The following DNAI4 variants were observed in gnomAD, a reference collection of about 807,000 sequenced individuals.
The protein encoded by DNAI4 is dynein axonemal intermediate chain 4.
DNAI4 carries 85 observed loss-of-function variants against 105.8 expected under a neutral mutation model. The observed-to-expected ratio is 0.80, with a 90% CI of 0.67 to 0.96. The LOEUF is 0.96. Ranked by LOEUF, DNAI4 falls within the 40% of genes least tolerant of loss-of-function variation. DNAI4 has a pLI of 0.00. For synonymous variants in DNAI4, 352 were observed against 331.5 expected (o/e 1.06, Z -0.67); for missense variants, 1,014 against 1,005.6 (o/e 1.01, Z -0.11).
At chr1:66,915,615 T>C (rs2100881024) in intron 1 of DNAI4, among the ~76,000 whole-genome samples, 1 of 152,280 alleles carries the variant, frequency 6.6e-6, no homozygotes, top group East Asian at 1.9e-4. Flanking sequence ...CCAAAAAGTT[T>C]ATATTGTAGA....
At chr1:66,859,750 C>G (rs891206010) in intron 7 of DNAI4, among the ~76,000 whole-genome samples, 1 of 151,778 alleles carries the variant, frequency 6.6e-6, no homozygotes, top group Non-Finnish European at 1.5e-5. Context: ...GTGGAAAAGA[C>G]GAAACTATAA....
At chr1:66,829,415 G>C (rs537166015) in intron 13 of DNAI4, among the ~76,000 whole-genome samples, 1 of 152,164 alleles carries the variant, frequency 6.6e-6, no homozygotes, top group East Asian at 1.9e-4. Context: ...AGCTGAAGTG[G>C]CTATACTAAT....
intron 1 of DNAI4, among the ~76,000 whole-genome samples, chr1:66,905,977 GC>G (rs2100835111): frequency 7.6e-6 from 1 of 131,354 alleles, no homozygotes; most frequent in African/African-American, 2.8e-5. Context: ...TGGCTGGAGT[GC>G]AGTGGCGTGA....
intron 16 of DNAI4, 71 bp from the exon 17 acceptor site, chr1:66,814,251 G>T: frequency 8.2e-7 from 1 of 1,224,478 alleles, no homozygotes; most frequent in Non-Finnish European, 1.2e-6. Context: ...TCTTTAAAAT[G>T]CCATTTAAAA....
intron 3 of DNAI4, among the ~76,000 whole-genome samples, 174 bp downstream of exon 3, chr1:66,893,055 G>GAAA (rs1226481232): frequency 1.5e-4 from 12 of 80,764 alleles, no homozygotes; most frequent in African/African-American, 5.9e-4. Context: ...AAGAAAGAAA[G>GAAA]AGAGAGAGAG....
chr1:66,921,823 T>C (rs1336266951), intron 1 of DNAI4, among the ~76,000 whole-genome samples: 2 of 152,022 alleles, frequency 1.3e-5, no homozygotes, highest in East Asian at 3.9e-4. Flanking sequence ...AAAACAAAAA[T>C]CTCTGCCTTT....
intron 8 of DNAI4, among the ~76,000 whole-genome samples, chr1:66,844,043 A>T (rs1646212216): frequency 6.7e-6 from 1 of 148,384 alleles, no homozygotes; most frequent in African/African-American, 2.5e-5. Context: ...CCAGAGTGGG[A>T]ACAACTCTTA....
chr1:66,904,180 A>C (rs1180088616), intron 2 of DNAI4, among the ~76,000 whole-genome samples: 1 of 152,156 alleles, frequency 6.6e-6, no homozygotes, highest in African/African-American at 2.4e-5. Context: ...GGTGCTATGA[A>C]CATTCATGTA....
intron 7 of DNAI4, among the ~76,000 whole-genome samples, chr1:66,857,186 G>C (rs1301788409): frequency 1.3e-5 from 2 of 151,854 alleles, no homozygotes; most frequent in African/African-American, 4.8e-5. Context: ...GTCCTTTGTA[G>C]GGACATGGAT....
chr1:66,884,128 T>C (rs1647140277), intron 4 of DNAI4, among the ~76,000 whole-genome samples: 1 of 152,218 alleles, frequency 6.6e-6, no homozygotes, highest in South Asian at 2.1e-4. Flanking sequence ...GTTCTCTAAT[T>C]CATTATATCC....
chr1:66,884,924 C>A (rs556887174), intron 4 of DNAI4, among the ~76,000 whole-genome samples: 7 of 152,266 alleles, frequency 4.6e-5, no homozygotes, highest in African/African-American at 1.7e-4. Flanking sequence ...ACAGTGGAAA[C>A]CTAAGTTATT....
At chr1:66,860,514 C>T (rs1049350935) in intron 7 of DNAI4, among the ~76,000 whole-genome samples, 6 of 151,818 alleles carry the variant, frequency 4.0e-5, no homozygotes, top group Non-Finnish European at 7.4e-5. Flanking sequence ...TATTTTTTAA[C>T]TTTCTTTTCC....
In DNAI4 at chr1:66,822,273, T is replaced by C. The variant is rs2100332449; in HGVS notation, c.2496+88A>G. On this transcript the variant is annotated intron_variant, in intron 16 of 16. Transcript: ENST00000371026. ...CTTTTATTATATTACACCTAAGATATTGAGAAATGTAAATCCTTTGCATGC... is the reference window on the plus strand; with the variant it reads ...CTTTTATTATATTACACCTAAGATACTGAGAAATGTAAATCCTTTGCATGC... 4.2e-6 allele frequency: 5 copies of C among 1,204,154 alleles called. No homozygotes were observed. In the South Asian group the frequency reaches 5.7e-5, roughly 14 times the overall value. 74.6% of individuals were successfully genotyped at this position (1,204,154 alleles called of 1,614,324 possible).
intron 2 of DNAI4, among the ~76,000 whole-genome samples, chr1:66,900,067 TA>T (rs1436609019): frequency 6.6e-6 from 1 of 152,140 alleles, no homozygotes. Flanking sequence ...AATTTTATTT[TA>T]TTTTATTTTT....
At chr1:66,921,072 C>A (rs1197034430) in intron 1 of DNAI4, among the ~76,000 whole-genome samples, 1 of 152,142 alleles carries the variant, frequency 6.6e-6, no homozygotes, top group Non-Finnish European at 1.5e-5. Context: ...TATTTTGTAA[C>A]TGTAAGACTA....
chr1:66,827,919 C>CA lies in DNAI4; in HGVS notation c.2014-10dup, dbSNP rs745959612. On this transcript the variant is annotated splice_polypyrimidine_tract_variant and intron_variant, in intron 13 of 16. Coordinates refer to ENST00000371026, the MANE Select transcript of DNAI4 (RefSeq NM_024763.5). ...AAATAGATATTTGTGTCCTACAACA[C>CA]AAAACATCGAAATGCATTGGCTTGT... The CA allele has an allele frequency of 5.8e-6, 9 of 1,551,376 alleles. No individual in the cohort carries two copies. In the Admixed American group the frequency reaches 1.4e-4, roughly 25 times the overall value.
At chr1:66,864,336 A>G (rs926470503) in intron 6 of DNAI4, among the ~76,000 whole-genome samples, 1 of 152,228 alleles carries the variant, frequency 6.6e-6, no homozygotes, top group African/African-American at 2.4e-5. Context: ...TTTTATAATT[A>G]TATGCTATTA....
At chr1:66,836,140 A>G (rs867925826) in intron 10 of DNAI4, among the ~76,000 whole-genome samples, 25 of 96,064 alleles carry the variant, frequency 2.6e-4, no homozygotes, top group African/African-American at 1.0e-3. Flanking sequence ...AGAAAGAAAG[A>G]AAAGAAAGAA....
intron 1 of DNAI4, among the ~76,000 whole-genome samples, chr1:66,924,457 C>G (rs538557479): frequency 6.6e-6 from 1 of 152,350 alleles, no homozygotes; most frequent in African/African-American, 2.4e-5. Flanking sequence ...CAGGTGTGAG[C>G]CACCGCGCCC....
Sources: gnomAD v4.1 joint callset for allele counts (sites outside exome capture counted in the v4.1 genomes callset) on GRCh38, gnomAD v4.1.1 for gene constraint, MANE v1.5 for transcripts, NCBI Gene and HGNC (gene_info 2026-07-23, HGNC 2026-07-21) for gene names.